Variants in DLGAP1 observed in about 807,000 individuals in gnomAD.
DLGAP1 encodes disks large-associated protein 1.
DLGAP1 carries 11 observed loss-of-function variants against 90.8 expected under a neutral mutation model. The ratio of observed to expected loss-of-function variants is 0.12; its 90% CI spans 0.08 to 0.20. The LOEUF is 0.20. Among genes scored for constraint, DLGAP1 ranks in the 10% least tolerant of loss-of-function variants. The probability of loss-of-function intolerance (pLI) is 1.00; values close to 1 mark genes in which losing one functional copy is unlikely to be tolerated. For synonymous variants in DLGAP1, 558 were observed against 540.7 expected, an observed-to-expected ratio of 1.03 and a Z score of -0.44; for missense variants, 1,050 against 1,333.8, an observed-to-expected ratio of 0.79 and a Z score of 3.31.
chr18:4,371,413 C>T (rs1302776347), intron 1 of DLGAP1, among the ~76,000 whole-genome samples: 1 of 152,192 alleles, frequency 6.6e-6, no homozygotes, highest in Non-Finnish European at 1.5e-5. Context: ...ATTTTGTTTG[C>T]TTTCCATAAA....
intron 3 of DLGAP1, among the ~76,000 whole-genome samples, chr18:3,987,642 T>C (rs1419955167): frequency 6.6e-6 from 1 of 152,202 alleles, no homozygotes; most frequent in South Asian, 2.1e-4. Context: ...CTTTTATAAT[T>C]TTCTTAGATA....
intron 7 of DLGAP1, among the ~76,000 whole-genome samples, chr18:3,632,964 A>T (rs1226389394): frequency 6.6e-6 from 1 of 152,150 alleles, no homozygotes; most frequent in Non-Finnish European, 1.5e-5. Context: ...TCATATGGCA[A>T]TGACTACTTG....
At chr18:3,862,335 A>G (rs932018765) in intron 4 of DLGAP1, among the ~76,000 whole-genome samples, 8 of 152,260 alleles carry the variant, frequency 5.3e-5, no homozygotes, top group Non-Finnish European at 1.2e-4. Flanking sequence ...AGAGGTGTCA[A>G]AACATTGTAA....
At chr18:4,286,907 T>G (rs547636392) in intron 1 of DLGAP1, among the ~76,000 whole-genome samples, 1 of 152,174 alleles carries the variant, frequency 6.6e-6, no homozygotes, top group African/African-American at 2.4e-5. Context: ...TAACGATAAT[T>G]GGGGGAGTGA....
intron 7 of DLGAP1, among the ~76,000 whole-genome samples, chr18:3,663,697 C>T (rs1479106351): frequency 6.6e-6 from 1 of 152,166 alleles, no homozygotes; most frequent in African/African-American, 2.4e-5. Context: ...TGATCAGGAG[C>T]CCACACTCCC....
chr18:3,515,450 C>G (rs1324524502), intron 10 of DLGAP1, among the ~76,000 whole-genome samples: 1 of 105,634 alleles, frequency 9.5e-6, no homozygotes, highest in Non-Finnish European at 1.8e-5. Context: ...GCCTGGGCAA[C>G]AGAGCGAGAT....
intron 2 of DLGAP1, among the ~76,000 whole-genome samples, chr18:4,107,977 C>T (rs72858712): frequency 0.02 from 3,114 of 152,100 alleles, 45 homozygotes; most frequent in Non-Finnish European, 0.034. Context: ...AAAATATAGC[C>T]CCTAGGCATA....
At position 4,265,675 on chromosome 18, in the gene DLGAP1, T is replaced by C. The variant is rs11874207; in HGVS notation, c.-266-114388A>G. Among the ~76,000 whole-genome samples, 86 of 77,814 alleles carry C rather than the reference T, an allele frequency of 1.1e-3. 1 individual carries two copies. Among genetic ancestry groups the C allele is most frequent in the African/African-American group, 3.7e-3 (33 of 9,036 alleles). The allele number at this position is 77,814 out of a possible 152,430, so 51.0% of individuals were successfully genotyped here. On this transcript the variant is annotated intron_variant, in intron 1 of 12. Transcript: ENST00000315677. ...TCCCTCCCTCCCTCCCTTCCTTCCT[T>C]CCTTCCTTCCTTCCTTCCTTCCTTC...
chr18:4,211,818 CAA>C (rs1430183439), intron 1 of DLGAP1, among the ~76,000 whole-genome samples: 2 of 152,114 alleles, frequency 1.3e-5, no homozygotes, highest in African/African-American at 2.4e-5. Context: ...GTGATGTCAA[CAA>C]AAGTCACTGT....
At chr18:4,215,259 A>G (rs143028713) in intron 1 of DLGAP1, among the ~76,000 whole-genome samples, 1 of 152,324 alleles carries the variant, frequency 6.6e-6, no homozygotes, top group East Asian at 1.9e-4. Context: ...ACATCAACTC[A>G]GAGGTATCAC....
chr18:4,434,567 T>C (rs1032071507), intron 1 of DLGAP1, among the ~76,000 whole-genome samples: 1 of 152,184 alleles, frequency 6.6e-6, no homozygotes, highest in Non-Finnish European at 1.5e-5. Context: ...GGTTCTAGCA[T>C]TACCTTCTTG....
intron 8 of DLGAP1, among the ~76,000 whole-genome samples, chr18:3,570,364 C>T (rs1019405506): frequency 1.3e-5 from 2 of 151,186 alleles, no homozygotes; most frequent in African/African-American, 4.9e-5. Flanking sequence ...GTGCAACCTC[C>T]ACCTCCCGGG....
At chr18:3,500,915 CTAT>C (rs147460403) in intron 12 of DLGAP1, among the ~76,000 whole-genome samples, 5 of 151,362 alleles carry the variant, frequency 3.3e-5, no homozygotes, top group Non-Finnish European at 5.9e-5. Flanking sequence ...ACAATGATTA[CTAT>C]TATTATTATT....
intron 12 of DLGAP1, among the ~76,000 whole-genome samples, chr18:3,500,729 GCTAA>G (rs2049885866): frequency 6.6e-6 from 1 of 151,990 alleles, no homozygotes; most frequent in Non-Finnish European, 1.5e-5. Context: ...TAAAAATCAA[GCTAA>G]CTAATGATTT....
chr18:4,155,527 T>C (rs2076740840), intron 1 of DLGAP1, among the ~76,000 whole-genome samples: 2 of 152,206 alleles, frequency 1.3e-5, no homozygotes, highest in South Asian at 4.1e-4. Flanking sequence ...CTGTTTAGTA[T>C]ATTTTCTGAA....
At chr18:4,133,190 G>A (rs535408719) in intron 2 of DLGAP1, among the ~76,000 whole-genome samples, 3 of 152,244 alleles carry the variant, frequency 2.0e-5, no homozygotes, top group Admixed American at 6.5e-5. Flanking sequence ...TGCCTTGAAG[G>A]AGGTTTGGGA....
chr18:3,757,583 GT>G (rs1167613140), intron 5 of DLGAP1, among the ~76,000 whole-genome samples: 1 of 152,112 alleles, frequency 6.6e-6, no homozygotes, highest in African/African-American at 2.4e-5. Flanking sequence ...TGCAAGGTTG[GT>G]TTAGTATCTG....
At chr18:4,315,011 ATTAC>A (rs1260771333) in intron 1 of DLGAP1, among the ~76,000 whole-genome samples, 4 of 152,176 alleles carry the variant, frequency 2.6e-5, no homozygotes, top group African/African-American at 7.2e-5. Context: ...TATGAAATTT[ATTAC>A]TTAGACTATT....
chr18:4,298,712 A>T (rs1440105454), intron 1 of DLGAP1, among the ~76,000 whole-genome samples: 2 of 152,048 alleles, frequency 1.3e-5, no homozygotes, highest in Non-Finnish European at 2.9e-5. Flanking sequence ...AGCATGGCAC[A>T]TGTATACATA....
Sources: allele counts gnomAD v4.1 joint callset (sites outside exome capture counted in the v4.1 genomes callset), GRCh38; gene constraint gnomAD v4.1.1; transcripts MANE v1.5; gene names NCBI Gene and HGNC (gene_info 2026-07-23, HGNC 2026-07-21).